TXNRD1: variants seen among roughly 807,000 people sequenced by gnomAD.
TXNRD1 encodes the protein thioredoxin reductase 1, cytoplasmic.
TXNRD1 carries 57 observed loss-of-function variants against 80.3 expected under a neutral mutation model. That is an observed-to-expected ratio of 0.71 (90% CI 0.57 to 0.89). TXNRD1 has a LOEUF of 0.89. Among genes scored for constraint, TXNRD1 ranks in the 40% least tolerant of loss-of-function variants. The pLI is 0.00. For synonymous variants in TXNRD1, 291 were observed against 285.2 expected (o/e 1.02, Z -0.20); for missense variants, 730 against 803.0 (o/e 0.91, Z 1.10).
chr12:104,263,716 A>G (rs182907465), intron 3 of TXNRD1, among the ~76,000 whole-genome samples: 11 of 152,322 alleles, frequency 7.2e-5, no homozygotes, highest in Non-Finnish European at 1.0e-4. Context: ...GTTTGCCAAA[A>G]GTGTGCATCT....
chr12:104,307,424 C>T (rs1428229128), intron 4 of TXNRD1, among the ~76,000 whole-genome samples: 5 of 152,182 alleles, frequency 3.3e-5, no homozygotes, highest in Non-Finnish European at 5.9e-5. Context: ...TTCCCTTCTT[C>T]AGGAGATGGA....
Position 104,340,051 on chromosome 12 carries a change from T to A in TXNRD1, c.1881+778T>A, listed in dbSNP as rs912685562. The stretch of plus-strand genomic sequence containing the variant: ...GCTTTTGTACAACTGAACTCATTGC[T>A]GAGTATGTGGAATGTCAGCTTTAAG... On this transcript the variant is annotated intron_variant, in intron 16 of 16. Transcript: ENST00000525566. Among the ~76,000 whole-genome samples, 5 of 152,238 alleles carry A rather than the reference T, an allele frequency of 3.3e-5. No individual in the cohort carries two copies. In the East Asian group the frequency reaches 5.8e-4, roughly 18 times the overall value.
intron 4 of TXNRD1, among the ~76,000 whole-genome samples, chr12:104,292,897 A>G (rs1205629474): frequency 3.9e-5 from 6 of 152,210 alleles, no homozygotes; most frequent in East Asian, 1.9e-4. Flanking sequence ...TAGGAACCCA[A>G]TGGGGGAGGA....
At chr12:104,271,185 T>TTC (rs1489628993) in intron 3 of TXNRD1, among the ~76,000 whole-genome samples, 1 of 103,164 alleles carries the variant, frequency 9.7e-6, no homozygotes, top group African/African-American at 3.9e-5. Flanking sequence ...AGTTCTTTCT[T>TTC]TTTTTTTTTT....
intron 2 of TXNRD1, among the ~76,000 whole-genome samples, chr12:104,254,778 G>A (rs912646880): frequency 7.7e-5 from 11 of 143,758 alleles, no homozygotes; most frequent in South Asian, 2.3e-4. Flanking sequence ...ACCACTGCAC[G>A]CCAGCCTTGG....
intron 4 of TXNRD1, among the ~76,000 whole-genome samples, chr12:104,310,970 C>T (rs183490558): frequency 3.9e-5 from 6 of 152,276 alleles, no homozygotes; most frequent in Admixed American, 3.3e-4. Flanking sequence ...ATCTTTAAAA[C>T]CTAGTTTAAA....
At chr12:104,288,650 A>G (rs2034057402) in intron 3 of TXNRD1, 3 of 840,312 alleles carry the variant, frequency 3.6e-6, no homozygotes, top group African/African-American at 3.5e-5. Context: ...TTAGCGGAGT[A>G]GTGCAATGAT....
chr12:104,329,628 TCA>T (rs2035881955), intron 13 of TXNRD1, among the ~76,000 whole-genome samples: 1 of 151,778 alleles, frequency 6.6e-6, no homozygotes, highest in African/African-American at 2.4e-5. Context: ...AGCCTGGGCA[TCA>T]GAGTAAGACC....
At chr12:104,222,060 C>T (rs1160585342) in intron 1 of TXNRD1, among the ~76,000 whole-genome samples, 1 of 151,928 alleles carries the variant, frequency 6.6e-6, no homozygotes, top group Non-Finnish European at 1.5e-5. Context: ...TCAAGAGAAA[C>T]TAGAAATCTC....
At chr12:104,268,996 T>C (rs2135722479) in intron 3 of TXNRD1, among the ~76,000 whole-genome samples, 1 of 149,798 alleles carries the variant, frequency 6.7e-6, no homozygotes, top group Admixed American at 6.7e-5. Flanking sequence ...CCTCTGCCTC[T>C]CGGGTTCAAG....
chr12:104,313,159 T>TA (rs968663870), intron 5 of TXNRD1, 86 bp from the exon 6 acceptor site: 542 of 1,072,314 alleles, frequency 5.1e-4, no homozygotes, highest in Middle Eastern at 8.3e-4. Context: ...CTCTATAGCT[T>TA]AAAAAAAAAT....
intron 3 of TXNRD1, among the ~76,000 whole-genome samples, chr12:104,278,986 G>A (rs916962838): frequency 6.6e-5 from 10 of 152,176 alleles, no homozygotes; most frequent in Non-Finnish European, 1.3e-4. Flanking sequence ...ATTACTATGT[G>A]TGCATACTAT....
intron 1 of TXNRD1, among the ~76,000 whole-genome samples, chr12:104,241,991 T>C (rs1187277427): frequency 7.7e-6 from 1 of 129,530 alleles, no homozygotes; most frequent in African/African-American, 2.9e-5. Flanking sequence ...CAGACTAGAG[T>C]GCAGGGCACG....
At chr12:104,251,943 A>T (rs1593708853) in intron 2 of TXNRD1, among the ~76,000 whole-genome samples, 1 of 151,868 alleles carries the variant, frequency 6.6e-6, no homozygotes, top group East Asian at 1.9e-4. Flanking sequence ...ATGTGCCTGT[A>T]GTCGCAGCTA....
rs113650868 is a variant in TXNRD1, at chr12:104,315,363, A to G, written c.611-414A>G. ...TTTATAATAAAGTGTTGAATATCTC[A>G]TATAATTTACTGAATACTGAACTGA... On this transcript the variant is annotated intron_variant, in intron 6 of 16. Transcript: ENST00000525566. 4.7e-3 allele frequency among the ~76,000 whole-genome samples: 719 copies of G among 152,352 alleles called. 6 individuals are homozygous for G. The highest frequency in any genetic ancestry group is 8.2e-3 in the Non-Finnish European group (556 of 68,032).
intron 1 of TXNRD1, among the ~76,000 whole-genome samples, chr12:104,233,069 A>G (rs754132561): frequency 5.3e-5 from 8 of 152,226 alleles, no homozygotes; most frequent in African/African-American, 1.9e-4. Context: ...TAAGGAAGAG[A>G]TGTATGCTGT....
intron 4 of TXNRD1, among the ~76,000 whole-genome samples, chr12:104,301,920 A>C (rs570152118): frequency 3.3e-5 from 5 of 152,344 alleles, no homozygotes; most frequent in African/African-American, 1.2e-4. Context: ...GTGTAGGATT[A>C]ATTCCACGAA....
chr12:104,236,143 T>A (rs2032732626), intron 1 of TXNRD1, among the ~76,000 whole-genome samples: 1 of 152,214 alleles, frequency 6.6e-6, no homozygotes. Context: ...GGAAATACTG[T>A]TATCATCTTT....
At chr12:104,321,912 G>T (rs1320993805) in intron 10 of TXNRD1, among the ~76,000 whole-genome samples, 1 of 151,992 alleles carries the variant, frequency 6.6e-6, no homozygotes. Flanking sequence ...AACACTTAGT[G>T]TGTGTCTCAG....
Sources: gnomAD v4.1 joint callset for allele counts (sites outside exome capture counted in the v4.1 genomes callset) on GRCh38, gnomAD v4.1.1 for gene constraint, MANE v1.5 for transcripts, NCBI Gene and HGNC (gene_info 2026-07-23, HGNC 2026-07-21) for gene names.